Variants in GGA2 observed in about 807,000 individuals in gnomAD.
GGA2 encodes ADP-ribosylation factor-binding protein GGA2.
A neutral mutation model predicts 79.5 loss-of-function variants in GGA2; 48 were observed. That is an observed-to-expected ratio of 0.60 (90% CI 0.48 to 0.77). GGA2 has a LOEUF of 0.77. Among genes scored for constraint, GGA2 ranks in the 30% least tolerant of loss-of-function variants. The pLI is 0.00. For missense variants in GGA2, 770 were observed against 774.0 expected (o/e 0.99, Z 0.06); for synonymous variants, 317 against 302.0 (o/e 1.05, Z -0.51).
Position 23,501,445 on chromosome 16 carries a change from T to C in GGA2, c.92-5667A>G. The C allele has an allele frequency of 6.9e-6, 3 of 436,588 alleles. 1 individual carries two copies. The highest frequency in any genetic ancestry group is 7.1e-5 in the East Asian group (1 of 14,076). 27.0% of individuals were successfully genotyped at this position (436,588 alleles called of 1,614,324 possible). On this transcript the variant is annotated intron_variant, in intron 1 of 16. Transcript: ENST00000309859. Reference sequence around the variant, plus strand: ...TGGAGCTACTTGAGTTTAATATTCATGTGTCTGCCAGTGTTTATGCAAGAT... The same window carrying C: ...TGGAGCTACTTGAGTTTAATATTCACGTGTCTGCCAGTGTTTATGCAAGAT...
chr16:23,486,663 C>G (rs755887692), intron 7 of GGA2, 47 bp downstream of exon 7: 2 of 1,065,086 alleles, frequency 1.9e-6, no homozygotes, highest in African/African-American at 3.1e-5. Flanking sequence ...TGTCCTTCAG[C>G]CTCTGTCAAA....
At chr16:23,522,869 G>C (rs1688257919), upstream of GGA2, 2 of 152,282 alleles carry the variant, frequency 1.3e-5, no homozygotes, top group Admixed American at 1.3e-4. Flanking sequence ...ATGCTTGGCT[G>C]GAATTGAAGG....
chr16:23,500,524 G>C (rs144226944), intron 1 of GGA2, among the ~76,000 whole-genome samples: 20 of 151,992 alleles, frequency 1.3e-4, no homozygotes, highest in Non-Finnish European at 2.5e-4. Flanking sequence ...GCCCCAAGCG[G>C]GGCAGTGTGC....
intron 13 of GGA2, among the ~76,000 whole-genome samples, chr16:23,476,434 AC>A (rs1446537647): frequency 1.3e-5 from 2 of 151,856 alleles, no homozygotes; most frequent in Non-Finnish European, 2.9e-5. Context: ...ACCTTAGAGA[AC>A]CTCTCCCTTC....
intron 14 of GGA2, among the ~76,000 whole-genome samples, chr16:23,470,589 C>T (rs1220689046): frequency 6.6e-6 from 1 of 151,960 alleles, no homozygotes; most frequent in Non-Finnish European, 1.5e-5. Context: ...ATGGCAAAAC[C>T]CCATCTCTAC....
At chr16:23,480,282 C>A (rs1964630869) in intron 10 of GGA2, 2 of 306,406 alleles carry the variant, frequency 6.5e-6, no homozygotes, top group Admixed American at 4.6e-5. Context: ...AAGCCAGGGA[C>A]CGCATTTCAA....
At chr16:23,507,922 T>C (rs1267300313) in intron 1 of GGA2, among the ~76,000 whole-genome samples, 1 of 152,176 alleles carries the variant, frequency 6.6e-6, no homozygotes, top group African/African-American at 2.4e-5. Flanking sequence ...ATCATGCCGC[T>C]GCACTCCAGC....
chr16:23,506,893 T>TC (rs5816214), intron 1 of GGA2, among the ~76,000 whole-genome samples: 130,736 of 152,030 alleles, frequency 0.86, 56,406 homozygotes, highest in African/African-American at 0.91. Context: ...TGAGGCCAGG[T>TC]CCCCCTTTTT....
chr16:23,498,172 C>T (rs1336452200), intron 1 of GGA2, among the ~76,000 whole-genome samples: 2 of 151,830 alleles, frequency 1.3e-5, no homozygotes, highest in Non-Finnish European at 2.9e-5. Flanking sequence ...CCCAGCTACT[C>T]AGTAGGGTGA....
intron 1 of GGA2, among the ~76,000 whole-genome samples, chr16:23,510,082 T>G (rs12921516): frequency 0.8 from 102,932 of 129,046 alleles, 38,584 homozygotes; most frequent in Non-Finnish European, 0.84. Flanking sequence ...GCTGCTAAGT[T>G]GGGGGGTGGG....
At chr16:23,497,574 T>C (rs1964872221) in intron 1 of GGA2, among the ~76,000 whole-genome samples, 1 of 152,160 alleles carries the variant, frequency 6.6e-6, no homozygotes, top group African/African-American at 2.4e-5. Context: ...GGATCAGTGA[T>C]TGATTCCTAT....
Position 23,467,492 on chromosome 16 carries a change from T to G in GGA2, c.*98A>C. 1.4e-6 allele frequency: 1 copy of G among 696,084 alleles called. No homozygotes were observed. The highest frequency in any genetic ancestry group is 2.6e-6 in the Non-Finnish European group (1 of 379,304). The allele number at this position is 696,084 out of a possible 1,614,324, so 43.1% of individuals were successfully genotyped here. ...CCAGAGCCTGACGTCAGGATAGGAC[T>G]CTTGGCACTCCGCACTGAAACACCG... On this transcript the variant is annotated 3_prime_UTR_variant, in exon 17 of 17. Transcript: ENST00000309859.
chr16:23,506,703 C>T (rs572118866), intron 1 of GGA2, among the ~76,000 whole-genome samples: 6 of 152,210 alleles, frequency 3.9e-5, no homozygotes, highest in Admixed American at 3.9e-4. Flanking sequence ...GGTGGGCCCA[C>T]TTCGGTTTGC....
At chr16:23,479,613 A>G (rs1964621923) in intron 11 of GGA2, 152 bp downstream of exon 11, 1 of 848,164 alleles carries the variant, frequency 1.2e-6, no homozygotes. Context: ...CCTCAGCAGC[A>G]AGCACGTGCT....
chr16:23,480,289 T>G, intron 10 of GGA2: 1 of 308,030 alleles, frequency 3.2e-6, no homozygotes, highest in Non-Finnish European at 6.1e-6. Context: ...GGACCGCATT[T>G]CAACCAGTGC....
intron 15 of GGA2, 76 bp from the exon 16 acceptor site, chr16:23,469,072 C>G (rs1964477063): frequency 4.4e-6 from 4 of 907,152 alleles, no homozygotes; most frequent in South Asian, 1.3e-5. Context: ...TGAGGGGGAG[C>G]TGGACCTCCC....
chr16:23,483,668 CAG>C (rs1245680499), intron 8 of GGA2, among the ~76,000 whole-genome samples: 3 of 151,648 alleles, frequency 2.0e-5, no homozygotes, highest in African/African-American at 7.3e-5. Context: ...TTTTTTGAGA[CAG>C]AGTTTCACTG....
At chr16:23,486,984 G>GTGT (rs1555499941) in intron 6 of GGA2, among the ~76,000 whole-genome samples, 194 bp from the exon 7 acceptor site, 40 of 133,196 alleles carry the variant, frequency 3.0e-4, no homozygotes, top group African/African-American at 1.0e-3. Context: ...CTTTTCTGTT[G>GTGT]TTTTTTTTTT....
chr16:23,513,372 T>A (rs942470998), upstream of GGA2, among the ~76,000 whole-genome samples: 70 of 152,064 alleles, frequency 4.6e-4, 3 homozygotes, highest in Non-Finnish European at 2.9e-5. Context: ...CCACAGAAAC[T>A]CAATTCCTCT....
Sources: allele counts gnomAD v4.1 joint callset (sites outside exome capture counted in the v4.1 genomes callset), GRCh38; gene constraint gnomAD v4.1.1; transcripts MANE v1.5; gene names NCBI Gene and HGNC (gene_info 2026-07-23, HGNC 2026-07-21).